GLS: variants seen among roughly 807,000 people sequenced by gnomAD.
GLS encodes glutaminase.
GLS carries 36 observed loss-of-function variants against 86.7 expected under a neutral mutation model. The ratio of observed to expected loss-of-function variants is 0.42; its 90% CI spans 0.32 to 0.55. The LOEUF (loss-of-function observed/expected upper bound fraction) is 0.55. GLS is among the 20% of genes least tolerant of loss of function. GLS has a pLI of 0.17. For synonymous variants in GLS, 317 were observed against 305.9 expected (o/e 1.04, Z -0.38); for missense variants, 528 against 833.4 (o/e 0.63, Z 4.51).
chr2:190,919,004 C>T (rs899590573), intron 7 of GLS, among the ~76,000 whole-genome samples: 1 of 152,004 alleles, frequency 6.6e-6, no homozygotes, highest in Non-Finnish European at 1.5e-5. Context: ...CACAGATCCC[C>T]ATAAGACATC....
rs2124946021 is a variant in GLS at position 190,951,817 on chromosome 2, A to C, written c.1651-1748A>C. On this transcript the variant is annotated intron_variant, in intron 14 of 17. Coordinates refer to ENST00000320717, the MANE Select transcript of GLS (RefSeq NM_014905.5). This position sits in a 1 kb window ranked among gnomAD's most constrained non-coding sequence, Gnocchi z 4.2. ...AGCAAAAAGGGAATTGAGAATTCAG[A>C]GTTGACCCCATTAAAAAAGAAAGAC... Among the ~76,000 whole-genome samples the C allele has an allele frequency of 6.6e-6, 1 of 152,338 alleles. No homozygotes were observed. Among genetic ancestry groups the C allele is most frequent in the East Asian group, 1.9e-4 (1 of 5,186 alleles).
At chr2:190,942,739 T>A (rs559232576) in intron 14 of GLS, among the ~76,000 whole-genome samples, 10 of 152,338 alleles carry the variant, frequency 6.6e-5, no homozygotes, top group Non-Finnish European at 8.8e-5. Flanking sequence ...CAATGAAGGA[T>A]CTGTTTGATT....
In GLS at chr2:190,953,095, T is replaced by C. The variant is rs1690761716; in HGVS notation, c.1651-470T>C. 6.6e-6 allele frequency among the ~76,000 whole-genome samples: 1 copy of C among 152,218 alleles called. No homozygotes were observed. The highest frequency in any genetic ancestry group is 2.4e-5 in the African/African-American group (1 of 41,460). ...TAAGATGACAGTTAACACTGAATGTTCTCTCTTAAGATTTGCAAAGAAGCC... is the reference window on the plus strand; with the variant it reads ...TAAGATGACAGTTAACACTGAATGTCCTCTCTTAAGATTTGCAAAGAAGCC... On this transcript the variant is annotated intron_variant, in intron 14 of 17. Coordinates refer to ENST00000320717, the MANE Select transcript of GLS (RefSeq NM_014905.5). The surrounding 1 kb of genome is among the most constrained non-coding windows in gnomAD (Gnocchi z 4.0).
Position 190,921,122 on chromosome 2 carries a change from T to C in GLS, c.1072-23T>C. The C allele has an allele frequency of 6.3e-7, 1 of 1,592,440 alleles. No homozygotes were observed. The highest frequency in any genetic ancestry group is 8.6e-7 in the Non-Finnish European group (1 of 1,160,712). On this transcript the variant is annotated intron_variant, in intron 8 of 17. Transcript: ENST00000320717. The surrounding 1 kb of genome is among the most constrained non-coding windows in gnomAD (Gnocchi z 4.2). ...TATATATTTGTTTTTTGATTACTAA[T>C]ATTCCCTACTTTTGGTTTCTAGGTC...
chr2:190,906,637 A>G (rs1166728389), intron 6 of GLS, among the ~76,000 whole-genome samples: 1 of 152,194 alleles, frequency 6.6e-6, no homozygotes, highest in Non-Finnish European at 1.5e-5. Flanking sequence ...TGAAAGTAAC[A>G]GTAAATACAG....
chr2:190,901,900 A>ATTTT, intron 4 of GLS, 47 bp from the exon 5 acceptor site: 1 of 1,136,524 alleles, frequency 8.8e-7, no homozygotes, highest in Non-Finnish European at 1.3e-6. Flanking sequence ...AAAATACATT[A>ATTTT]TTTGTCAATA....
intron 1 of GLS, among the ~76,000 whole-genome samples, chr2:190,888,097 C>G (rs1465452770): frequency 5.9e-5 from 9 of 152,098 alleles, no homozygotes; most frequent in Admixed American, 5.2e-4. Context: ...ACGTCTAAAA[C>G]AGTAAAAAAC....
At chr2:190,942,636 G>A (rs1443795559) in intron 14 of GLS, among the ~76,000 whole-genome samples, 1 of 152,116 alleles carries the variant, frequency 6.6e-6, no homozygotes, top group African/African-American at 2.4e-5. Flanking sequence ...TGAGCAACAG[G>A]GCCAAAGCTG....
At chr2:190,960,337 T>C (rs4853454) in intron 17 of GLS, among the ~76,000 whole-genome samples, 89,121 of 148,906 alleles carry the variant, frequency 0.6, 27,403 homozygotes, top group Admixed American at 0.67. Flanking sequence ...AGCTGTATTG[T>C]GTTTCTGTTT....
chr2:190,893,980 A>G lies in GLS; in HGVS notation c.387-1172A>G, dbSNP rs545089976. ...CATTAAATATTTTAATGATAAAGCT[A>G]TGTGTTTTTAAAAAACATTTGTGTG... On this transcript the variant is annotated intron_variant, in intron 1 of 17. Transcript: ENST00000320717. Among the ~76,000 whole-genome samples the G allele has an allele frequency of 2.6e-5, 4 of 152,342 alleles. No individual in the cohort carries two copies. The East Asian group carries it at 7.7e-4, about 29-fold the overall frequency.
Position 190,954,609 on chromosome 2 carries a change from G to T in GLS, c.1738G>T (p.Glu580Ter), listed in dbSNP as rs1417298148. 1 of 1,613,230 alleles carries T rather than the reference G, an allele frequency of 6.2e-7. No homozygotes were observed. Residue 580 changes from glutamate to a stop codon, truncating the protein, a stop_gained, in exon 16 of 18, where the codon GAA becomes TAA. Coordinates refer to ENST00000320717, the MANE Select transcript of GLS (RefSeq NM_014905.5). LOFTEE classifies it high-confidence loss of function. The surrounding 1 kb of genome is among the most constrained non-coding windows in gnomAD (Gnocchi z 4.0). Reference protein sequence around the residue: ...RRFALSAMDMEQRDYDSRTAL... With the variant: ...RRFALSAMDM Reference sequence around the variant, plus strand: ...ATTTGCTTTGTCAGCTATGGACATGGAACAGCGGGACTATGATTCTAGAAC... The same window carrying T: ...ATTTGCTTTGTCAGCTATGGACATGTAACAGCGGGACTATGATTCTAGAAC...
rs186831413 is a variant in GLS, at chr2:190,901,143, G to T, written c.735+450G>T. Among the ~76,000 whole-genome samples the T allele has an allele frequency of 1.7e-3, 251 of 152,098 alleles. 2 individuals are homozygous for T. Among genetic ancestry groups the T allele is most frequent in the South Asian group, 0.014 (68 of 4,820 alleles). On this transcript the variant is annotated intron_variant, in intron 4 of 17. Transcript: ENST00000320717. ...CAGTTGGCCCTTGAACAAAGCAGGG[G>T]TTAGGGATGCCAAACCCACACGCAG... is the stretch of plus-strand genomic sequence containing the variant.
At chr2:190,926,668 G>A (rs1047370367) in intron 11 of GLS, among the ~76,000 whole-genome samples, 1 of 152,040 alleles carries the variant, frequency 6.6e-6, no homozygotes, top group African/African-American at 2.4e-5. Context: ...ATCCTAGAGG[G>A]TATTCTTAGC....
At chr2:190,915,621 T>C (rs1423542137) in intron 7 of GLS, among the ~76,000 whole-genome samples, 1 of 152,148 alleles carries the variant, frequency 6.6e-6, no homozygotes, top group Non-Finnish European at 1.5e-5. Flanking sequence ...TCAAAATCTG[T>C]TTCTAGATGC....
At position 190,947,585 on chromosome 2, in the gene GLS, T is replaced by C. The variant is rs1690608620; in HGVS notation, c.1651-5980T>C. On this transcript the variant is annotated intron_variant, in intron 14 of 17. Coordinates refer to ENST00000320717, the MANE Select transcript of GLS (RefSeq NM_014905.5). This position sits in a 1 kb window ranked among gnomAD's most constrained non-coding sequence, Gnocchi z 5.0. The stretch of plus-strand genomic sequence containing the variant: ...ACATCAGAGCCCTTAATTTAATAGC[T>C]ATTATTGCGGCTGTGTATAGTCTGT... Among the ~76,000 whole-genome samples, 1 of 152,226 alleles carries C rather than the reference T, an allele frequency of 6.6e-6. No homozygotes were observed. Among genetic ancestry groups the C allele is most frequent in the Non-Finnish European group, 1.5e-5 (1 of 68,044 alleles).
rs767098611 is a variant in GLS at position 190,953,305 on chromosome 2, C to G, written c.1651-260C>G. 2.6e-5 allele frequency among the ~76,000 whole-genome samples: 4 copies of G among 152,204 alleles called. No individual in the cohort carries two copies. Among genetic ancestry groups the G allele is most frequent in the Non-Finnish European group, 5.9e-5 (4 of 68,044 alleles). On this transcript the variant is annotated intron_variant, in intron 14 of 17. Coordinates refer to ENST00000320717, the MANE Select transcript of GLS (RefSeq NM_014905.5). The surrounding 1 kb of genome is among the most constrained non-coding windows in gnomAD (Gnocchi z 4.0). The stretch of plus-strand genomic sequence containing the variant: ...TATGAGTTTCACAAAATTCCATTCT[C>G]TTCTGCCAAGTGATATTATTCCATT...
At position 190,956,154 on chromosome 2, in the gene GLS, T is replaced by C. The variant is rs1163600096; in HGVS notation, c.1853+1336T>C. On this transcript the variant is annotated intron_variant, in intron 17 of 17. Coordinates refer to ENST00000320717, the MANE Select transcript of GLS (RefSeq NM_014905.5). This position sits in a 1 kb window ranked among gnomAD's most constrained non-coding sequence, Gnocchi z 4.2. ...GATCCCATTTATCAATTTTGGCTTT[T>C]GTTGCCATTGCTTTTGGTGTTTTGG... Among the ~76,000 whole-genome samples, 14 of 152,210 alleles carry C rather than the reference T, an allele frequency of 9.2e-5. No homozygotes were observed.
At chr2:190,882,374 T>C (rs942419128) in intron 1 of GLS, among the ~76,000 whole-genome samples, 4 of 152,194 alleles carry the variant, frequency 2.6e-5, no homozygotes, top group Non-Finnish European at 4.4e-5. Flanking sequence ...TTAAACAATA[T>C]GCAAAGCAGT....
chr2:190,891,948 C>A (rs939234699), intron 1 of GLS, among the ~76,000 whole-genome samples: 1 of 152,128 alleles, frequency 6.6e-6, no homozygotes, highest in Non-Finnish European at 1.5e-5. Flanking sequence ...GCTTCCAGCT[C>A]TTACCCATCT....
Sources: gnomAD v4.1 joint callset for allele counts (sites outside exome capture counted in the v4.1 genomes callset) on GRCh38, gnomAD v4.1.1 for gene constraint, Gnocchi (gnomAD v3.1) non-coding constraint, MANE v1.5 for transcripts, NCBI Gene and HGNC (gene_info 2026-07-23, HGNC 2026-07-21) for gene names.